GRIK2: variants seen among roughly 807,000 people sequenced by gnomAD.
GRIK2 encodes glutamate ionotropic receptor kainate type subunit 2.
A neutral mutation model predicts 100.3 loss-of-function variants in GRIK2; 32 were observed. That is an observed-to-expected ratio of 0.32 (90% CI 0.24 to 0.43). GRIK2 has a LOEUF of 0.43. Among genes scored for constraint, GRIK2 ranks in the 20% least tolerant of loss-of-function variants. The pLI is 1.00. For missense variants in GRIK2, 843 were observed against 1,114.9 expected (o/e 0.76, Z 3.47); for synonymous variants, 417 against 389.4 (o/e 1.07, Z -0.83).
intron 4 of GRIK2, among the ~76,000 whole-genome samples, chr6:101,635,174 G>A (rs1283580342): frequency 6.6e-6 from 1 of 152,004 alleles, no homozygotes; most frequent in Non-Finnish European, 1.5e-5. Flanking sequence ...AGCTTCAAGT[G>A]CTGTGTTCTC....
At chr6:101,751,538 T>C (rs1776786684) in intron 7 of GRIK2, among the ~76,000 whole-genome samples, 1 of 152,168 alleles carries the variant, frequency 6.6e-6, no homozygotes, top group Admixed American at 6.5e-5. Context: ...TAAAATAAAC[T>C]AATAACTTTT....
intron 2 of GRIK2, among the ~76,000 whole-genome samples, chr6:101,451,609 T>C (rs1419466734): frequency 6.7e-6 from 1 of 149,744 alleles, no homozygotes; most frequent in Non-Finnish European, 1.5e-5. Flanking sequence ...AGGTAAAATC[T>C]GGATTTGCAC....
At chr6:101,836,907 G>A (rs890902556) in intron 10 of GRIK2, among the ~76,000 whole-genome samples, 2 of 151,606 alleles carry the variant, frequency 1.3e-5, no homozygotes, top group African/African-American at 4.8e-5. Flanking sequence ...CCTTTGATCT[G>A]CCCTCCTCGG....
chr6:101,701,846 T>G (rs560325138), intron 7 of GRIK2, among the ~76,000 whole-genome samples: 9 of 152,052 alleles, frequency 5.9e-5, no homozygotes, highest in Non-Finnish European at 1.2e-4. Context: ...AATTTTCCAT[T>G]TATTAACATA....
At chr6:101,812,283 T>C (rs750446120) in intron 9 of GRIK2, among the ~76,000 whole-genome samples, 25 of 151,738 alleles carry the variant, frequency 1.6e-4, no homozygotes, top group Non-Finnish European at 3.5e-4. Flanking sequence ...TATCATGGAG[T>C]AATTCACTCA....
At chr6:101,525,965 G>A (rs1775131997) in intron 2 of GRIK2, among the ~76,000 whole-genome samples, 1 of 152,188 alleles carries the variant, frequency 6.6e-6, no homozygotes, top group Non-Finnish European at 1.5e-5. Context: ...ACAGGGTGAA[G>A]AATAAAATGG....
At chr6:101,535,318 G>A (rs1336123034) in intron 2 of GRIK2, among the ~76,000 whole-genome samples, 1 of 151,728 alleles carries the variant, frequency 6.6e-6, no homozygotes, top group Non-Finnish European at 1.5e-5. Flanking sequence ...CATCAGTATG[G>A]TAGCAATATC....
chr6:101,542,553 G>A (rs1776051151), intron 2 of GRIK2, among the ~76,000 whole-genome samples: 1 of 152,056 alleles, frequency 6.6e-6, no homozygotes, highest in Non-Finnish European at 1.5e-5. Flanking sequence ...TCTAAAAATT[G>A]CATCAGCAAA....
chr6:101,636,325 G>A (rs533151439), intron 4 of GRIK2, among the ~76,000 whole-genome samples: 6 of 152,152 alleles, frequency 3.9e-5, no homozygotes, highest in South Asian at 2.1e-4. Flanking sequence ...CACAGAGGGG[G>A]CACATCACAC....
At chr6:101,690,666 C>G (rs549453198) in intron 7 of GRIK2, among the ~76,000 whole-genome samples, 4 of 152,156 alleles carry the variant, frequency 2.6e-5, no homozygotes, top group Non-Finnish European at 4.4e-5. Context: ...TATGGTCTGG[C>G]TCTTTCCAAT....
chr6:101,719,012 T>A (rs931344049), intron 7 of GRIK2, among the ~76,000 whole-genome samples: 1 of 151,982 alleles, frequency 6.6e-6, no homozygotes, highest in African/African-American at 2.4e-5. Flanking sequence ...AATATTTCCA[T>A]CTTCTCTTTC....
At chr6:101,451,700 G>A (rs1313497658) in intron 2 of GRIK2, among the ~76,000 whole-genome samples, 1 of 59,794 alleles carries the variant, frequency 1.7e-5, no homozygotes, top group Non-Finnish European at 3.9e-5. Context: ...CTCTGAGGGG[G>A]GGGGGGGTGC....
intron 2 of GRIK2, among the ~76,000 whole-genome samples, chr6:101,485,410 T>C (rs1247245462): frequency 6.6e-6 from 1 of 152,222 alleles, no homozygotes. Context: ...ACTTTTTCTT[T>C]AACCTTCCAA....
intron 2 of GRIK2, among the ~76,000 whole-genome samples, chr6:101,422,018 C>G (rs1222644858): frequency 6.6e-6 from 1 of 152,178 alleles, no homozygotes; most frequent in Non-Finnish European, 1.5e-5. Context: ...AAAAGTGTTG[C>G]TCCTATTATT....
At chr6:101,678,410 A>G (rs1770997535) in intron 5 of GRIK2, among the ~76,000 whole-genome samples, 1 of 152,292 alleles carries the variant, frequency 6.6e-6, no homozygotes, top group Admixed American at 6.5e-5. Context: ...AATTTTAACA[A>G]GGTCAGTAGA....
At chr6:102,065,866 G>C (rs1317222768) in intron 16 of GRIK2, 1 of 1,469,490 alleles carries the variant, frequency 6.8e-7, no homozygotes, top group Non-Finnish European at 9.1e-7. Flanking sequence ...CATTTCTACA[G>C]TGTTGTCATC....
rs867348031 is a variant in GRIK2 at position 102,068,419 on chromosome 6, C to T, written c.2635C>T (p.Pro879Ser). 6.2e-7 allele frequency: 1 copy of T among 1,611,762 alleles called. No individual in the cohort carries two copies. Among genetic ancestry groups the T allele is most frequent in the Admixed American group, 1.7e-5 (1 of 59,814 alleles). ...LKCQRRLKHKPQAPVIVKTEE... is the reference protein window; with the variant it reads ...LKCQRRLKHKSQAPVIVKTEE... ...GTGCCAGCGTCGGTTAAAACATAAG[C>T]CACAGGCCCCAGTTATTGTGAAAAC... Residue 879 changes from proline to serine, a missense_variant, in exon 17 of 17, where the codon CCA becomes TCA. Around this residue, in one of 3 missense-constraint regions of GRIK2, gnomAD observed 87 missense variants for 83.2 expected, o/e 1.05. Transcript: ENST00000369134.
chr6:102,040,861 A>T (rs1430376462), intron 15 of GRIK2, among the ~76,000 whole-genome samples: 1 of 151,654 alleles, frequency 6.6e-6, no homozygotes, highest in Non-Finnish European at 1.5e-5. Flanking sequence ...ATGCACAAAA[A>T]TTGATGCAAA....
intron 2 of GRIK2, among the ~76,000 whole-genome samples, chr6:101,400,465 G>C (rs1775238626): frequency 6.6e-6 from 1 of 152,204 alleles, no homozygotes; most frequent in Non-Finnish European, 1.5e-5. Flanking sequence ...AAGCCAACAG[G>C]ATAAATGCTC....
Sources: allele counts gnomAD v4.1 joint callset (sites outside exome capture counted in the v4.1 genomes callset), GRCh38; gene constraint gnomAD v4.1.1; regional missense constraint gnomAD v4.1.1; transcripts MANE v1.5; gene names NCBI Gene and HGNC (gene_info 2026-07-23, HGNC 2026-07-21).